RBKS: variants seen among roughly 807,000 people sequenced by gnomAD.
RBKS encodes the protein ribokinase.
A neutral mutation model predicts 33.9 loss-of-function variants in RBKS; 33 were observed. That is an observed-to-expected ratio of 0.97 (90% CI 0.74 to 1.30). The LOEUF (loss-of-function observed/expected upper bound fraction) is 1.30, where lower values mean the gene tolerates loss of function less well. RBKS is among the 50% of genes most tolerant of loss of function. The probability of loss-of-function intolerance (pLI) is 0.00; values close to 1 mark genes in which losing one functional copy is unlikely to be tolerated. For missense variants in RBKS, 361 were observed against 392.6 expected, an observed-to-expected ratio of 0.92 and a Z score of 0.68; for synonymous variants, 125 against 143.0, an observed-to-expected ratio of 0.87 and a Z score of 0.90.
At position 27,781,462 on chromosome 2, in the gene RBKS, TATAA is replaced by T. The variant is rs1558530085; in HGVS notation, c.*149_*152del. On this transcript the variant is annotated 3_prime_UTR_variant, in exon 8 of 8. Transcript: ENST00000302188. ...GCATGGAAAGCAAAAGAATCATCGT[TATAA>T]ATAAATTGAAGCTTGAGGATGACTT... 1.1e-5 allele frequency: 7 copies of T among 613,214 alleles called. No individual in the cohort carries two copies. The highest frequency in any genetic ancestry group is 9.7e-5 in the South Asian group (4 of 41,386). 38.0% of individuals were successfully genotyped at this position (613,214 alleles called of 1,614,324 possible). A position where few individuals can be genotyped will look rare whatever the true frequency, so the allele number is the denominator to read the frequency against.
chr2:27,876,414 A>G (rs551739522), intron 1 of RBKS, among the ~76,000 whole-genome samples: 2 of 152,346 alleles, frequency 1.3e-5, no homozygotes, highest in South Asian at 2.1e-4. Context: ...TTTGACTCCA[A>G]TTATACATAT....
chr2:27,863,822 T>A (rs1664034880), intron 1 of RBKS, among the ~76,000 whole-genome samples: 1 of 152,262 alleles, frequency 6.6e-6, no homozygotes, highest in African/African-American at 2.4e-5. Context: ...TTCTCAGCAT[T>A]TGTATATGCC....
intron 6 of RBKS, among the ~76,000 whole-genome samples, chr2:27,831,907 C>T (rs1448545173): frequency 6.6e-6 from 1 of 152,078 alleles, no homozygotes; most frequent in African/African-American, 2.4e-5. Context: ...ACAGTGAGTT[C>T]CTGTCTCAAA....
chr2:27,794,375 AG>A (rs1677599328), intron 7 of RBKS, among the ~76,000 whole-genome samples: 1 of 150,358 alleles, frequency 6.7e-6, no homozygotes. Context: ...CCCAAGTGTG[AG>A]AAAGAAATCA....
At chr2:27,834,581 T>A (rs1314856924) in intron 5 of RBKS, among the ~76,000 whole-genome samples, 1 of 152,236 alleles carries the variant, frequency 6.6e-6, no homozygotes, top group Non-Finnish European at 1.5e-5. Flanking sequence ...CTCTCACTTC[T>A]GAGAGGTCTT....
intron 1 of RBKS, among the ~76,000 whole-genome samples, chr2:27,861,211 G>A (rs534424298): frequency 2.0e-5 from 3 of 152,100 alleles, no homozygotes; most frequent in East Asian, 3.9e-4. Context: ...TAAGTGATCC[G>A]CCTGCCTTAG....
intron 1 of RBKS, among the ~76,000 whole-genome samples, chr2:27,882,842 T>G (rs138927842): frequency 4.6e-5 from 7 of 152,282 alleles, no homozygotes; most frequent in African/African-American, 1.7e-4. Flanking sequence ...AGCTAAATAC[T>G]GCATGTTCTT....
rs142921248 is a variant in RBKS, at chr2:27,844,570, C to T, written c.350-1339G>A. On this transcript the variant is annotated intron_variant, in intron 4 of 7. Transcript: ENST00000302188. ...GCCACGCCTGGCTAATTTTTTTTTG[C>T]ATTTTTAGTAGAGATGGGGTTTCAC... 7.8e-3 allele frequency among the ~76,000 whole-genome samples: 1,180 copies of T among 151,322 alleles called. 11 individuals carry two copies. Among genetic ancestry groups the T allele is most frequent in the African/African-American group, 0.027 (1,110 of 41,252 alleles).
intron 1 of RBKS, among the ~76,000 whole-genome samples, chr2:27,887,366 A>T (rs1444623439): frequency 6.6e-6 from 1 of 152,206 alleles, no homozygotes; most frequent in Non-Finnish European, 1.5e-5. Context: ...GCCCAGTGAG[A>T]CCTGTATCAG....
At chr2:27,820,899 G>T (rs1213809406) in intron 7 of RBKS, among the ~76,000 whole-genome samples, 1 of 152,000 alleles carries the variant, frequency 6.6e-6, no homozygotes, top group African/African-American at 2.4e-5. Flanking sequence ...AATTAGCTGG[G>T]AGTGGTGGCG....
chr2:27,826,781 C>CT, intron 7 of RBKS, among the ~76,000 whole-genome samples: 1 of 152,214 alleles, frequency 6.6e-6, no homozygotes. Flanking sequence ...TTTTTTCTAA[C>CT]TTGTTTCCTT....
chr2:27,853,652 T>C (rs530836857), intron 2 of RBKS, among the ~76,000 whole-genome samples: 2 of 152,226 alleles, frequency 1.3e-5, no homozygotes, highest in South Asian at 4.1e-4. Flanking sequence ...AGTGAGATCC[T>C]GTCTCAGAAA....
intron 2 of RBKS, among the ~76,000 whole-genome samples, chr2:27,855,109 C>T (rs973240779): frequency 1.4e-5 from 2 of 143,638 alleles, no homozygotes; most frequent in African/African-American, 2.5e-5. Context: ...TAAATTCTTG[C>T]CTGGGCAAAG....
intron 1 of RBKS, among the ~76,000 whole-genome samples, chr2:27,873,083 TCCTAGGAA>T (rs1280065946): frequency 6.6e-6 from 1 of 152,156 alleles, no homozygotes; most frequent in African/African-American, 2.4e-5. Context: ...ACAATCCATT[TCCTAGGAA>T]CCTTCCCTGG....
intron 7 of RBKS, among the ~76,000 whole-genome samples, chr2:27,821,355 T>G (rs1573047989): frequency 1.3e-5 from 2 of 152,342 alleles, no homozygotes; most frequent in Middle Eastern, 6.8e-3. Context: ...ATTTTTTTAG[T>G]TGTAATTACA....
At chr2:27,814,123 A>C (rs1678043336) in intron 7 of RBKS, among the ~76,000 whole-genome samples, 1 of 152,106 alleles carries the variant, frequency 6.6e-6, no homozygotes, top group South Asian at 2.1e-4. Context: ...CAGGAGGCTA[A>C]GGTGGGAGGA....
intron 7 of RBKS, among the ~76,000 whole-genome samples, chr2:27,789,913 G>GTATATATATATA (rs1677478080): frequency 1.6e-5 from 2 of 121,470 alleles, no homozygotes; most frequent in Admixed American, 8.5e-5. Flanking sequence ...GTGTGTGTGT[G>GTATATATATATA]TGTTTGTGTG....
chr2:27,861,400 C>T (rs1188766257), intron 1 of RBKS: 1 of 448,094 alleles, frequency 2.2e-6, no homozygotes, highest in Non-Finnish European at 4.7e-6. Flanking sequence ...ACAATAACAA[C>T]TCCATATTTT....
chr2:27,886,832 T>C (rs1052780577), intron 1 of RBKS, among the ~76,000 whole-genome samples: 1 of 152,162 alleles, frequency 6.6e-6, no homozygotes, highest in Non-Finnish European at 1.5e-5. Flanking sequence ...TTACTGGCTG[T>C]GTGATTTGGA....
Sources: allele counts gnomAD v4.1 joint callset (sites outside exome capture counted in the v4.1 genomes callset), GRCh38; gene constraint gnomAD v4.1.1; transcripts MANE v1.5; gene names NCBI Gene and HGNC (gene_info 2026-07-23, HGNC 2026-07-21).